The following SLC2A9 variants were observed in gnomAD, a reference collection of about 807,000 sequenced individuals.
SLC2A9 encodes solute carrier family 2, facilitated glucose transporter member 9.
A neutral mutation model predicts 50.6 loss-of-function variants in SLC2A9; 39 were observed. The observed-to-expected ratio is 0.77, with a 90% CI of 0.60 to 1.01. The LOEUF is 1.01. Among genes scored for constraint, SLC2A9 ranks in the 50% least tolerant of loss-of-function variants. SLC2A9 has a pLI of 0.00. For missense variants in SLC2A9, 686 were observed against 677.6 expected, an observed-to-expected ratio of 1.01 and a Z score of -0.14; for synonymous variants, 324 against 276.9, an observed-to-expected ratio of 1.17 and a Z score of -1.69.
At chr4:10,020,723 A>G (rs1763401593) in intron 1 of SLC2A9, among the ~76,000 whole-genome samples, 1 of 152,154 alleles carries the variant, frequency 6.6e-6, no homozygotes, top group Admixed American at 6.5e-5. Context: ...CTTTGCTCCC[A>G]GCCCCGATGA....
At chr4:9,823,071 T>C (rs1421358580), downstream of SLC2A9, among the ~76,000 whole-genome samples, 1 of 152,214 alleles carries the variant, frequency 6.6e-6, no homozygotes, top group Non-Finnish European at 1.5e-5. Flanking sequence ...CTGCCCAGGG[T>C]TGCTAGTTAT....
intron 10 of SLC2A9, among the ~76,000 whole-genome samples, chr4:9,862,487 TTG>T (rs1731811375): frequency 6.6e-6 from 1 of 152,082 alleles, no homozygotes; most frequent in African/African-American, 2.4e-5. Context: ...ATTTTTTTTC[TTG>T]TGTTAGTCTG....
At chr4:9,944,038 G>A (rs1439005821) in intron 5 of SLC2A9, among the ~76,000 whole-genome samples, 22 of 152,244 alleles carry the variant, frequency 1.4e-4, no homozygotes, top group Admixed American at 1.4e-3. Context: ...GTCACAGTGG[G>A]AGCACTTCCC....
intron 8 of SLC2A9, among the ~76,000 whole-genome samples, chr4:9,898,599 T>C (rs964749324): frequency 2.0e-5 from 3 of 152,222 alleles, no homozygotes; most frequent in Non-Finnish European, 4.4e-5. Flanking sequence ...GGGTGAGCCT[T>C]TTGGTCGTAG....
At chr4:9,816,585 T>C (rs1423231370) in intron 3 of SLC2A9, among the ~76,000 whole-genome samples, 7 of 152,180 alleles carry the variant, frequency 4.6e-5, no homozygotes, top group Admixed American at 1.3e-4. Context: ...TGATGATATG[T>C]TAATTAGCTT....
At chr4:9,890,800 C>A in intron 8 of SLC2A9, 89 bp from the exon 9 acceptor site, 1 of 1,206,076 alleles carries the variant, frequency 8.3e-7, no homozygotes, top group Non-Finnish European at 1.2e-6. Context: ...GCAATGGCAT[C>A]ATGATTAAAA....
chr4:10,009,220 G>A (rs1230043073), intron 2 of SLC2A9, among the ~76,000 whole-genome samples: 2 of 152,140 alleles, frequency 1.3e-5, no homozygotes, highest in Non-Finnish European at 2.9e-5. Context: ...ATGGGTCTCA[G>A]GCCACACCAG....
At chr4:9,781,831 T>G (rs954313936) in intron 3 of SLC2A9, 3 of 454,308 alleles carry the variant, frequency 6.6e-6, no homozygotes, top group Non-Finnish European at 1.1e-5. Flanking sequence ...ACCACGGCCA[T>G]GGAGCCAGAG....
chr4:10,028,467 A>C (rs1179308901), intron 1 of SLC2A9, among the ~76,000 whole-genome samples: 1 of 152,194 alleles, frequency 6.6e-6, no homozygotes, highest in African/African-American at 2.4e-5. Context: ...GCCCCCAGCC[A>C]GCTGTGTGAG....
intron 6 of SLC2A9, among the ~76,000 whole-genome samples, chr4:9,923,433 G>A (rs539191619): frequency 3.9e-5 from 6 of 152,238 alleles, no homozygotes; most frequent in South Asian, 2.1e-4. Context: ...GACACTGTAC[G>A]GGGGCTCTTG....
intron 10 of SLC2A9, among the ~76,000 whole-genome samples, chr4:9,861,120 TA>T (rs978681750): frequency 1.4e-4 from 22 of 152,122 alleles, no homozygotes; most frequent in African/African-American, 5.1e-4. Flanking sequence ...TAATTTATAT[TA>T]AAAAAGAGGT....
At chr4:9,988,231 G>A (rs1487682326) in intron 3 of SLC2A9, among the ~76,000 whole-genome samples, 1 of 152,252 alleles carries the variant, frequency 6.6e-6, no homozygotes, top group Non-Finnish European at 1.5e-5. Flanking sequence ...ATTTTGAAGA[G>A]TGAGTTGGTG....
chr4:9,848,558 A>G (rs1035302507), intron 10 of SLC2A9, among the ~76,000 whole-genome samples: 9 of 152,004 alleles, frequency 5.9e-5, no homozygotes, highest in Non-Finnish European at 8.8e-5. Context: ...GAGGGCAGGC[A>G]TCTTGTCTCT....
intron 3 of SLC2A9, among the ~76,000 whole-genome samples, chr4:9,786,796 C>T (rs1275914905): frequency 3.3e-5 from 5 of 152,220 alleles, no homozygotes; most frequent in East Asian, 1.9e-4. Flanking sequence ...TTGCACCCTG[C>T]ACCCCCACAG....
At chr4:9,903,632 T>C (rs903344396) in intron 8 of SLC2A9, among the ~76,000 whole-genome samples, 2 of 152,216 alleles carry the variant, frequency 1.3e-5, no homozygotes, top group Non-Finnish European at 2.9e-5. Flanking sequence ...ATTAGCCTCC[T>C]GAGCCATTTT....
intron 10 of SLC2A9, among the ~76,000 whole-genome samples, chr4:9,878,014 T>C (rs557409043): frequency 2.0e-5 from 3 of 152,188 alleles, no homozygotes; most frequent in African/African-American, 4.8e-5. Flanking sequence ...CTATAGAATG[T>C]CTATAGTGGT....
At chr4:10,017,184 G>A (rs902240687) in intron 2 of SLC2A9, among the ~76,000 whole-genome samples, 2 of 152,236 alleles carry the variant, frequency 1.3e-5, no homozygotes, top group Non-Finnish European at 2.9e-5. Context: ...GAATAAGTGA[G>A]TAATGGGATT....
intron 2 of SLC2A9, among the ~76,000 whole-genome samples, chr4:10,006,993 G>A (rs1254054444): frequency 6.6e-6 from 1 of 151,998 alleles, no homozygotes; most frequent in Non-Finnish European, 1.5e-5. Context: ...AGCGCGTCCC[G>A]TGAGGCTCTG....
chr4:9,782,983 G>A, intron 3 of SLC2A9: 1 of 1,614,172 alleles, frequency 6.2e-7, no homozygotes, highest in Non-Finnish European at 8.5e-7. Context: ...TTAACTGCAT[G>A]GTCCCTTTCT....
Sources: gnomAD v4.1 joint callset for allele counts (sites outside exome capture counted in the v4.1 genomes callset) on GRCh38, gnomAD v4.1.1 for gene constraint, MANE v1.5 for transcripts, NCBI Gene and HGNC (gene_info 2026-07-23, HGNC 2026-07-21) for gene names.